PAPPA2: variants seen among roughly 807,000 people sequenced by gnomAD.
PAPPA2 encodes the protein pappalysin-2.
A neutral mutation model predicts 176.4 loss-of-function variants in PAPPA2; 86 were observed. The ratio of observed to expected loss-of-function variants is 0.49; its 90% CI spans 0.41 to 0.58. The LOEUF (loss-of-function observed/expected upper bound fraction) is 0.58, where lower values mean the gene tolerates loss of function less well. Among genes scored for constraint, PAPPA2 ranks in the 20% least tolerant of loss-of-function variants. PAPPA2 has a pLI of 0.00. For missense variants in PAPPA2, 2,073 were observed against 2,256.9 expected, an observed-to-expected ratio of 0.92 and a Z score of 1.65; for synonymous variants, 809 against 852.2, an observed-to-expected ratio of 0.95 and a Z score of 0.88.
intron 21 of PAPPA2, among the ~76,000 whole-genome samples, chr1:176,811,511 G>T (rs896050831): frequency 5.3e-5 from 8 of 152,116 alleles, no homozygotes; most frequent in Non-Finnish European, 1.2e-4. Context: ...TTAGGGTAGG[G>T]ATAATAATGG....
rs978010906 is a variant in PAPPA2, at chr1:176,843,617, A to T, written c.*1163A>T. On this transcript the variant is annotated 3_prime_UTR_variant, in exon 23 of 23. Transcript: ENST00000367662. ...TAGAAGTCTCCAAGTCTGGCCAGTC[A>T]CATGACCAAGTGTTGATTTTTCTGG... 1.4e-4 allele frequency: 21 copies of T among 152,166 alleles called. No homozygotes were observed. The highest frequency in any genetic ancestry group is 4.3e-4 in the African/African-American group (18 of 41,436). 9.4% of individuals were successfully genotyped at this position (152,166 alleles called of 1,614,324 possible). A position where few individuals can be genotyped will look rare whatever the true frequency, so the allele number is the denominator to read the frequency against.
At chr1:176,605,776 T>A (rs1040078781) in intron 3 of PAPPA2, among the ~76,000 whole-genome samples, 1 of 152,216 alleles carries the variant, frequency 6.6e-6, no homozygotes, top group African/African-American at 2.4e-5. Context: ...GCTGGAGGGC[T>A]CCTCAGAGCT....
intron 1 of PAPPA2, among the ~76,000 whole-genome samples, chr1:176,527,069 C>T (rs1208842005): frequency 2.0e-5 from 3 of 152,136 alleles, no homozygotes; most frequent in African/African-American, 4.8e-5. Flanking sequence ...GCCTTGGCCT[C>T]CTGAAGTGCT....
chr1:176,648,687 T>C (rs1339335506), intron 3 of PAPPA2, among the ~76,000 whole-genome samples: 1 of 151,654 alleles, frequency 6.6e-6, no homozygotes, highest in African/African-American at 2.4e-5. Context: ...TCTGTTGAAA[T>C]AATCATATGG....
Position 176,595,518 on chromosome 1 carries a change from CTT to C in PAPPA2, c.1916_1917del (p.Phe639Ter). 1 of 1,614,202 alleles carries C rather than the reference CTT, an allele frequency of 6.2e-7. No homozygotes were observed. Among genetic ancestry groups the C allele is most frequent in the Non-Finnish European group, 8.5e-7 (1 of 1,180,028 alleles). ...TGGAGTGTAACAACATGCTGAACGA[CTT>C]TGACGACGGAGACTGCTGCGACCCC... is the stretch of plus-strand genomic sequence containing the variant. ...HVECNNMLND[F>X]DDGDCCDPQV... On this transcript the variant is annotated frameshift_variant, in exon 3 of 23. Transcript: ENST00000367662. LOFTEE classifies it high-confidence loss of function.
chr1:176,718,707 T>G lies in PAPPA2; in HGVS notation c.3798+6726T>G, dbSNP rs1003518002. Among the ~76,000 whole-genome samples the G allele has an allele frequency of 2.1e-4, 32 of 150,954 alleles. 2 individuals carry two copies. Among genetic ancestry groups the G allele is most frequent in the Admixed American group, 2.0e-4 (3 of 14,994 alleles). On this transcript the variant is annotated intron_variant, in intron 12 of 22. Coordinates refer to ENST00000367662, the MANE Select transcript of PAPPA2 (RefSeq NM_020318.3). Reference sequence around the variant, plus strand: ...TGTGGATTTGGGGTAACTTTTTTTTTTAAAAAAAAAAAACATAGCTAGAGT... The same window carrying G: ...TGTGGATTTGGGGTAACTTTTTTTTGTAAAAAAAAAAAACATAGCTAGAGT...
intron 3 of PAPPA2, among the ~76,000 whole-genome samples, chr1:176,668,358 G>A (rs1463974943): frequency 6.6e-6 from 1 of 152,124 alleles, no homozygotes; most frequent in Non-Finnish European, 1.5e-5. Flanking sequence ...ACAAAGTTCT[G>A]GTCAATGCAT....
At chr1:176,594,203 C>A (rs1040287218) in intron 2 of PAPPA2, among the ~76,000 whole-genome samples, 3 of 152,200 alleles carry the variant, frequency 2.0e-5, no homozygotes, top group Admixed American at 1.3e-4. Context: ...GAGCATGAAG[C>A]ACATTCGTGA....
chr1:176,674,106 A>G (rs933343618), intron 4 of PAPPA2, among the ~76,000 whole-genome samples: 3 of 152,158 alleles, frequency 2.0e-5, no homozygotes, highest in African/African-American at 4.8e-5. Flanking sequence ...AAGAGATTAA[A>G]AAGCTGAACA....
At chr1:176,600,233 T>C (rs1487050096) in intron 3 of PAPPA2, among the ~76,000 whole-genome samples, 1 of 152,156 alleles carries the variant, frequency 6.6e-6, no homozygotes, top group African/African-American at 2.4e-5. Context: ...ACATGGGATG[T>C]GGCTTTTCTT....
intron 2 of PAPPA2, among the ~76,000 whole-genome samples, chr1:176,573,652 A>AAAT (rs1372323527): frequency 2.0e-5 from 3 of 152,216 alleles, no homozygotes; most frequent in Non-Finnish European, 4.4e-5. Context: ...TTTTTCAACT[A>AAAT]AATAATTTAG....
intron 3 of PAPPA2, among the ~76,000 whole-genome samples, chr1:176,641,673 G>T (rs1173356110): frequency 6.6e-6 from 1 of 151,772 alleles, no homozygotes; most frequent in Non-Finnish European, 1.5e-5. Flanking sequence ...GAGGTCTCAG[G>T]ATTTTTAATA....
intron 14 of PAPPA2, among the ~76,000 whole-genome samples, chr1:176,746,866 C>T (rs892581942): frequency 3.9e-5 from 6 of 152,094 alleles, no homozygotes; most frequent in Non-Finnish European, 8.8e-5. Flanking sequence ...CTCGCTTGTT[C>T]TCACTCTCAT....
chr1:176,772,576 AGCCCATACCCT>A (rs1304556207), intron 17 of PAPPA2, among the ~76,000 whole-genome samples: 4 of 152,314 alleles, frequency 2.6e-5, no homozygotes, highest in Admixed American at 6.5e-5. Context: ...GGGAAGACCA[AGCCCATACCCT>A]GCCCTTTCCA....
chr1:176,690,253 G>T lies in PAPPA2; in HGVS notation c.2254G>T (p.Glu752Ter), dbSNP rs764707768. 6.2e-7 allele frequency: 1 copy of T among 1,614,106 alleles called. No individual in the cohort carries two copies. The highest frequency in any genetic ancestry group is 2.2e-5 in the East Asian group (1 of 44,866). Reference sequence around the variant, plus strand: ...TGTCTTTAAAGGAGTCAGTGAAAGAGAATCCTGCAATGACCCCTGCAAGGA... The same window carrying T: ...TGTCTTTAAAGGAGTCAGTGAAAGATAATCCTGCAATGACCCCTGCAAGGA... ...YHVFKGVSERESCNDPCKETV... is the reference protein window; with the variant it reads ...YHVFKGVSER The change falls in exon 5 of 23, where the codon GAA becomes TAA. Residue 752 changes from glutamate (E) to a stop codon, truncating the protein, a stop_gained. Transcript: ENST00000367662. LOFTEE classifies it high-confidence loss of function.
intron 12 of PAPPA2, among the ~76,000 whole-genome samples, chr1:176,716,569 T>C (rs1661382017): frequency 6.6e-6 from 1 of 150,862 alleles, no homozygotes; most frequent in African/African-American, 2.4e-5. Flanking sequence ...TTAAGAAAGT[T>C]TGTGTCTTCT....
intron 3 of PAPPA2, among the ~76,000 whole-genome samples, chr1:176,615,504 T>A (rs964351673): frequency 4.6e-5 from 7 of 152,066 alleles, no homozygotes; most frequent in Non-Finnish European, 1.0e-4. Context: ...CTTTTTTGTA[T>A]TTTTAGTAGG....
chr1:176,541,168 A>T (rs1037507471), intron 1 of PAPPA2, among the ~76,000 whole-genome samples: 3 of 152,254 alleles, frequency 2.0e-5, no homozygotes, highest in African/African-American at 7.2e-5. Flanking sequence ...ATCTGTGTAT[A>T]TATAGGGGAC....
intron 1 of PAPPA2, among the ~76,000 whole-genome samples, chr1:176,491,471 C>T (rs1027095788): frequency 1.6e-4 from 24 of 152,020 alleles, no homozygotes; most frequent in Admixed American, 3.9e-4. Flanking sequence ...CGAACATGTC[C>T]GACATGTCTG....
Sources: allele counts gnomAD v4.1 joint callset (sites outside exome capture counted in the v4.1 genomes callset), GRCh38; gene constraint gnomAD v4.1.1; transcripts MANE v1.5; gene names NCBI Gene and HGNC (gene_info 2026-07-23, HGNC 2026-07-21).